ZHX2: variants seen among roughly 807,000 people sequenced by gnomAD.
ZHX2 encodes zinc fingers and homeoboxes protein 2.
A neutral mutation model predicts 21.9 loss-of-function variants in ZHX2; 6 were observed. That is an observed-to-expected ratio of 0.27 (90% CI 0.15 to 0.54). ZHX2 has a LOEUF of 0.54. ZHX2 is among the 20% of genes least tolerant of loss of function. The pLI, the probability that ZHX2 is intolerant of heterozygous loss-of-function variation, is 0.95. For missense variants in ZHX2, 908 were observed against 1,090.7 expected, an observed-to-expected ratio of 0.83 and a Z score of 2.36; for synonymous variants, 434 against 437.1, an observed-to-expected ratio of 0.99 and a Z score of 0.09.
intron 2 of ZHX2, among the ~76,000 whole-genome samples, chr8:122,875,395 G>A (rs1241115965): frequency 6.6e-6 from 1 of 151,948 alleles, no homozygotes; most frequent in Non-Finnish European, 1.5e-5. Flanking sequence ...GATATTTACT[G>A]TCTGGCCCTT....
rs139131416 is a variant in ZHX2 at position 122,790,252 on chromosome 8, C to T, written c.-283+8306C>T. ...AGCCCAGCTTGAGGAAACTGAGGCC[C>T]GGAAAGGTAAGATAATTGGCCCAAG... is the stretch of plus-strand genomic sequence containing the variant. On this transcript the variant is annotated intron_variant, in intron 1 of 3. Transcript: ENST00000314393. Among the ~76,000 whole-genome samples the T allele has an allele frequency of 4.9e-3, 751 of 152,210 alleles. 7 individuals carry two copies. The highest frequency in any genetic ancestry group is 0.013 in the African/African-American group (559 of 41,514).
intron 2 of ZHX2, among the ~76,000 whole-genome samples, chr8:122,866,879 C>T (rs181638226): frequency 1.3e-5 from 2 of 152,232 alleles, no homozygotes; most frequent in East Asian, 3.9e-4. Flanking sequence ...GGCTGGAGTG[C>T]GGTGGCACGA....
intron 2 of ZHX2, among the ~76,000 whole-genome samples, chr8:122,914,203 A>G (rs1046087725): frequency 2.0e-5 from 3 of 152,224 alleles, no homozygotes; most frequent in African/African-American, 7.2e-5. Flanking sequence ...AAGCTATGCT[A>G]GGGAGCAGCT....
At chr8:122,813,543 C>T (rs1817972750) in intron 1 of ZHX2, among the ~76,000 whole-genome samples, 1 of 152,202 alleles carries the variant, frequency 6.6e-6, no homozygotes, top group African/African-American at 2.4e-5. Flanking sequence ...TGAGTGTTTC[C>T]ACTTGCTGTT....
At chr8:122,789,127 G>A (rs1160899059) in intron 1 of ZHX2, among the ~76,000 whole-genome samples, 1 of 152,218 alleles carries the variant, frequency 6.6e-6, no homozygotes, top group Non-Finnish European at 1.5e-5. Flanking sequence ...AGCCAATGGG[G>A]GAAGGGGGTG....
chr8:122,838,573 A>AT (rs34833602), intron 1 of ZHX2, among the ~76,000 whole-genome samples: 49,696 of 117,956 alleles, frequency 0.42, 11,831 homozygotes, highest in Admixed American at 0.5. Context: ...TAGTAATGTG[A>AT]TTTTTTTTTT....
chr8:122,885,849 G>A (rs1819828636), intron 2 of ZHX2, among the ~76,000 whole-genome samples: 1 of 152,130 alleles, frequency 6.6e-6, no homozygotes. Context: ...TCCTGCAAAA[G>A]CCCATAGTCT....
chr8:122,953,327 C>T lies in ZHX2; in HGVS notation c.1817C>T (p.Ala606Val), dbSNP rs565561893. Residue 606 changes from alanine (A) to valine (V), a missense_variant, in exon 3 of 4, where the codon GCC (alanine) becomes GTC (valine). Transcript: ENST00000314393. The surrounding 1 kb of genome is among the most constrained non-coding windows in gnomAD (Gnocchi z 4.6). ...GSGKKGQDVG[A>V]PNGALSRLDQ... ...GGCAAAAAAGGCCAAGATGTGGGAGCCCCCAATGGTGCTCTGTCTCGACTC... is the reference window on the plus strand; with the variant it reads ...GGCAAAAAAGGCCAAGATGTGGGAGTCCCCAATGGTGCTCTGTCTCGACTC... 11 of 1,614,032 alleles carry T rather than the reference C, an allele frequency of 6.8e-6. No homozygotes were observed. The highest frequency in any genetic ancestry group is 3.3e-5 in the Admixed American group (2 of 60,020).
intron 2 of ZHX2, among the ~76,000 whole-genome samples, chr8:122,915,657 G>A (rs1459268886): frequency 2.0e-5 from 3 of 152,158 alleles, no homozygotes; most frequent in African/African-American, 7.2e-5. Flanking sequence ...CAGGCTTTGG[G>A]TTCTAGCAGC....
chr8:122,896,104 G>T (rs1048830120), intron 2 of ZHX2, among the ~76,000 whole-genome samples: 7 of 152,142 alleles, frequency 4.6e-5, no homozygotes, highest in Non-Finnish European at 8.8e-5. Context: ...GAATGCCTCA[G>T]AGGTGGAGGA....
rs374485221 is a variant in ZHX2 at position 122,886,642 on chromosome 8, T to C, written c.-220+23103T>C. Among the ~76,000 whole-genome samples, 71 of 152,256 alleles carry C rather than the reference T, an allele frequency of 4.7e-4. No individual in the cohort carries two copies. In the East Asian group the frequency reaches 0.012, roughly 27 times the overall value. On this transcript the variant is annotated intron_variant, in intron 2 of 3. Transcript: ENST00000314393. ...TGTAGACCTAAAACCACTCTAAAAA[T>C]CAAAGCGTATTAATTTTTGTTTAAA...
At chr8:122,806,559 G>C (rs1489717141) in intron 1 of ZHX2, among the ~76,000 whole-genome samples, 1 of 152,156 alleles carries the variant, frequency 6.6e-6, no homozygotes, top group Non-Finnish European at 1.5e-5. Context: ...GTAAATGGAG[G>C]GCCTGATTAC....
At chr8:122,781,399 T>C (rs951836575), upstream of ZHX2, 3 of 152,146 alleles carry the variant, frequency 2.0e-5, no homozygotes, top group African/African-American at 7.2e-5. This position sits in a 1 kb window ranked among gnomAD's most constrained non-coding sequence, Gnocchi z 4.6. Flanking sequence ...CGCCTCCCCC[T>C]CCTCTTCTCG....
chr8:122,905,206 T>TA (rs1184202576), intron 2 of ZHX2, among the ~76,000 whole-genome samples: 4 of 152,198 alleles, frequency 2.6e-5, no homozygotes, highest in African/African-American at 9.7e-5. Flanking sequence ...GTGAACCCCA[T>TA]ACAGGATGAA....
chr8:122,903,145 CT>C (rs1820270175), intron 2 of ZHX2, among the ~76,000 whole-genome samples: 1 of 152,220 alleles, frequency 6.6e-6, no homozygotes. Flanking sequence ...ATATTTATAA[CT>C]TTGATTAGAT....
At chr8:122,829,556 C>T (rs1185355639) in intron 1 of ZHX2, among the ~76,000 whole-genome samples, 2 of 152,310 alleles carry the variant, frequency 1.3e-5, no homozygotes, top group East Asian at 3.9e-4. Context: ...AAAACTCTCC[C>T]ACCTCATTGT....
At chr8:122,945,659 G>A (rs1424247012) in intron 2 of ZHX2, among the ~76,000 whole-genome samples, 1 of 152,100 alleles carries the variant, frequency 6.6e-6, no homozygotes, top group Admixed American at 6.6e-5. Context: ...CACACTCTTA[G>A]TTATCCCACG....
At chr8:122,972,095 C>T (rs971132648) in intron 3 of ZHX2, among the ~76,000 whole-genome samples, 1 of 152,144 alleles carries the variant, frequency 6.6e-6, no homozygotes, top group African/African-American at 2.4e-5. Context: ...GGTCTCTTCC[C>T]TGTGTGTGAG....
intron 1 of ZHX2, among the ~76,000 whole-genome samples, chr8:122,829,081 G>A (rs1356178828): frequency 6.6e-6 from 1 of 152,138 alleles, no homozygotes; most frequent in East Asian, 1.9e-4. Flanking sequence ...TGCTTGCATG[G>A]GACATTATGT....
Sources: gnomAD v4.1 joint callset for allele counts (sites outside exome capture counted in the v4.1 genomes callset) on GRCh38, gnomAD v4.1.1 for gene constraint, Gnocchi (gnomAD v3.1) non-coding constraint, MANE v1.5 for transcripts, NCBI Gene and HGNC (gene_info 2026-07-23, HGNC 2026-07-21) for gene names.